Variants in UBR1 observed in about 807,000 individuals in gnomAD.
UBR1 encodes E3 ubiquitin-protein ligase UBR1.
In UBR1, 102 loss-of-function variants were observed where a neutral mutation model predicts 242.1. The observed-to-expected ratio is 0.42, with a 90% CI of 0.36 to 0.50. The LOEUF (loss-of-function observed/expected upper bound fraction) is 0.50. UBR1 is among the 20% of genes least tolerant of loss of function. The pLI, the probability that UBR1 is intolerant of heterozygous loss-of-function variation, is 0.01. For missense variants in UBR1, 1,772 were observed against 2,101.8 expected (o/e 0.84, Z 3.07); for synonymous variants, 675 against 684.8 (o/e 0.99, Z 0.22).
At chr15:42,999,283 C>T (rs977474766) in intron 32 of UBR1, among the ~76,000 whole-genome samples, 4 of 152,188 alleles carry the variant, frequency 2.6e-5, no homozygotes, top group Non-Finnish European at 1.5e-5. Flanking sequence ...TTTTTTTCTC[C>T]CAGAGAAAAG....
At chr15:43,093,810 A>AAC (rs1555450086) in intron 1 of UBR1, among the ~76,000 whole-genome samples, 2 of 151,224 alleles carry the variant, frequency 1.3e-5, no homozygotes, top group African/African-American at 4.9e-5. Flanking sequence ...AAAAAAAAAA[A>AAC]ACCAAAAAGG....
At chr15:43,031,524 G>A (rs1180908573) in intron 20 of UBR1, among the ~76,000 whole-genome samples, 1 of 152,112 alleles carries the variant, frequency 6.6e-6, no homozygotes, top group African/African-American at 2.4e-5. Context: ...GAAGGTTTAA[G>A]TCTCACTCAG....
At chr15:43,093,840 A>C (rs1164078231) in intron 1 of UBR1, among the ~76,000 whole-genome samples, 1 of 152,060 alleles carries the variant, frequency 6.6e-6, no homozygotes, top group Non-Finnish European at 1.5e-5. Context: ...AACTAAGCTA[A>C]AATCTACTTT....
chr15:43,101,406 T>C (rs942489754), intron 1 of UBR1, among the ~76,000 whole-genome samples: 1 of 152,194 alleles, frequency 6.6e-6, no homozygotes, highest in Admixed American at 6.5e-5. Flanking sequence ...TTGGACTACA[T>C]GGGTGGAGAC....
intron 6 of UBR1, among the ~76,000 whole-genome samples, chr15:43,060,578 A>G (rs763217736): frequency 3.3e-5 from 5 of 152,182 alleles, no homozygotes; most frequent in Non-Finnish European, 7.4e-5. Context: ...TGCAAGGTCT[A>G]TGTAGGATTT....
chr15:42,948,205 T>C (rs1164023174), intron 46 of UBR1, among the ~76,000 whole-genome samples: 3 of 152,122 alleles, frequency 2.0e-5, no homozygotes, highest in Non-Finnish European at 4.4e-5. Context: ...TAATAAATGG[T>C]GCTGGGAAAA....
intron 15 of UBR1, among the ~76,000 whole-genome samples, chr15:43,041,658 A>C (rs1018052811): frequency 3.3e-5 from 5 of 152,242 alleles, no homozygotes; most frequent in Admixed American, 6.5e-5. Context: ...CACCAAAAGC[A>C]CAGGCAACAA....
intron 3 of UBR1, 42 bp downstream of exon 3, chr15:43,082,596 C>G: frequency 1.3e-6 from 2 of 1,544,238 alleles, no homozygotes; most frequent in South Asian, 2.2e-5. Context: ...AGATGGCCAT[C>G]AGATTCCTGC....
intron 44 of UBR1, among the ~76,000 whole-genome samples, chr15:42,954,604 G>A (rs575205928): frequency 6.6e-6 from 1 of 152,092 alleles, no homozygotes; most frequent in Admixed American, 6.5e-5. Flanking sequence ...GTCTTACTCT[G>A]TTGCCCAGGC....
chr15:42,960,480 C>T (rs1013445759), intron 43 of UBR1, among the ~76,000 whole-genome samples, 165 bp downstream of exon 43: 6 of 152,128 alleles, frequency 3.9e-5, no homozygotes, highest in African/African-American at 1.4e-4. Context: ...AAGAAAAAAA[C>T]ATTTGTAGGA....
chr15:43,076,541 C>T (rs989117567), intron 3 of UBR1, among the ~76,000 whole-genome samples: 1 of 149,766 alleles, frequency 6.7e-6, no homozygotes, highest in African/African-American at 2.5e-5. Context: ...ATGTGGGGAG[C>T]GCCTCTGCCC....
In UBR1 at chr15:42,943,173, A is replaced by G. The variant is rs146299171; in HGVS notation, c.*2156T>C. 192 of 152,724 alleles carry G rather than the reference A, an allele frequency of 1.3e-3. No homozygotes were observed. Among genetic ancestry groups the G allele is most frequent in the African/African-American group, 4.1e-3 (172 of 41,564 alleles). The allele number at this position is 152,724 out of a possible 1,614,324, so 9.5% of individuals were successfully genotyped here. A position where few individuals can be genotyped will look rare whatever the true frequency, so the allele number is the denominator to read the frequency against. ...TACACCAATATAATAAATTAATTAT[A>G]CAGATATATTTTTCTTCACCATATC... On this transcript the variant is annotated 3_prime_UTR_variant, in exon 47 of 47. Transcript: ENST00000290650.
In UBR1 at chr15:43,036,609, T is replaced by G; in HGVS notation, c.2023-16A>C. ...AATAAAACACCTATAAGGTAATAGG[T>G]AGAATAAATCCTAAAAGAATTATTT... On this transcript the variant is annotated splice_polypyrimidine_tract_variant and intron_variant, in intron 17 of 46. Transcript: ENST00000290650. 1 of 1,474,016 alleles carries G rather than the reference T, an allele frequency of 6.8e-7. No individual in the cohort carries two copies. Among genetic ancestry groups the G allele is most frequent in the Non-Finnish European group, 9.5e-7 (1 of 1,056,902 alleles). 91.3% of individuals were successfully genotyped at this position (1,474,016 alleles called of 1,614,324 possible). A position where few individuals can be genotyped will look rare whatever the true frequency, so the allele number is the denominator to read the frequency against.
chr15:43,090,615 T>C (rs1197785058), intron 1 of UBR1, among the ~76,000 whole-genome samples: 1 of 148,616 alleles, frequency 6.7e-6, no homozygotes, highest in Admixed American at 6.7e-5. Context: ...CAGCACTAAA[T>C]GAAGAAAAAA....
rs745754724 is a variant in UBR1 at position 43,105,907 on chromosome 15, G to T, written c.81+35C>A. ...CTAAGCGCAGTAGGGAGGGACCGGGGGGAGGACAAAAGAGACTTGCCTATA... is the reference window on the plus strand; with the variant it reads ...CTAAGCGCAGTAGGGAGGGACCGGGTGGAGGACAAAAGAGACTTGCCTATA... On this transcript the variant is annotated intron_variant, in intron 1 of 46. Coordinates refer to ENST00000290650, the MANE Select transcript of UBR1 (RefSeq NM_174916.3). 9 of 1,601,862 alleles carry T rather than the reference G, an allele frequency of 5.6e-6. No homozygotes were observed. The Admixed American group carries it at 6.7e-5, about 12-fold the overall frequency.
chr15:43,023,680 C>T (rs2033141255), intron 25 of UBR1, among the ~76,000 whole-genome samples: 1 of 150,348 alleles, frequency 6.7e-6, no homozygotes, highest in Non-Finnish European at 1.5e-5. Flanking sequence ...CTATTTTTCA[C>T]CTATTACAGT....
At chr15:43,019,078 T>A (rs975034269) in intron 27 of UBR1, among the ~76,000 whole-genome samples, 1 of 152,218 alleles carries the variant, frequency 6.6e-6, no homozygotes, top group African/African-American at 2.4e-5. Context: ...CTTTTTTTTT[T>A]TGAGACGGAG....
chr15:43,003,101 G>A (rs1567121376), intron 31 of UBR1, among the ~76,000 whole-genome samples: 1 of 152,052 alleles, frequency 6.6e-6, no homozygotes, highest in South Asian at 2.1e-4. Context: ...AGATTTCTCA[G>A]GAATTACATT....
At chr15:43,028,501 C>T (rs2033206214) in intron 21 of UBR1, among the ~76,000 whole-genome samples, 1 of 151,954 alleles carries the variant, frequency 6.6e-6, no homozygotes, top group Non-Finnish European at 1.5e-5. Flanking sequence ...AATCCCAGCA[C>T]TTTGGGAGGC....
Sources: allele counts gnomAD v4.1 joint callset (sites outside exome capture counted in the v4.1 genomes callset), GRCh38; gene constraint gnomAD v4.1.1; transcripts MANE v1.5; gene names NCBI Gene and HGNC (gene_info 2026-07-23, HGNC 2026-07-21).